The following AKAP8L variants were observed in gnomAD, a reference collection of about 807,000 sequenced individuals.
The protein encoded by AKAP8L is A-kinase anchoring protein 8 like, also known as A-kinase anchor protein 8-like.
Under a neutral mutation model 77.5 loss-of-function variants are expected in AKAP8L, and 34 were observed. The ratio of observed to expected loss-of-function variants is 0.44; its 90% CI spans 0.33 to 0.58. The LOEUF (loss-of-function observed/expected upper bound fraction) is 0.58. AKAP8L is among the 20% of genes least tolerant of loss of function. AKAP8L has a pLI of 0.02. For synonymous variants in AKAP8L, 342 were observed against 340.7 expected, an observed-to-expected ratio of 1.00 and a Z score of -0.04; for missense variants, 806 against 887.6, an observed-to-expected ratio of 0.91 and a Z score of 1.17.
rs1234553444 is a variant in AKAP8L, at chr19:15,397,491, T to C, written c.1405+29A>G. The C allele has an allele frequency of 1.3e-6, 2 of 1,591,602 alleles. No individual in the cohort carries two copies. Among genetic ancestry groups the C allele is most frequent in the Admixed American group, 3.4e-5 (2 of 59,648 alleles). On this transcript the variant is annotated intron_variant, in intron 11 of 13. Transcript: ENST00000397410. This position sits in a 1 kb window ranked among gnomAD's most constrained non-coding sequence, Gnocchi z 4.7. ...CAGGAGTGCAGGCTGAGGCCTTGCCTGGTGGGAGTGGGCTGAAAATCTCCT... is the reference window on the plus strand; with the variant it reads ...CAGGAGTGCAGGCTGAGGCCTTGCCCGGTGGGAGTGGGCTGAAAATCTCCT...
rs1379322632 is a variant in AKAP8L, at chr19:15,401,191, T to C, written c.775A>G (p.Met259Val). 1 of 1,610,784 alleles carries C rather than the reference T, an allele frequency of 6.2e-7. No homozygotes were observed. The highest frequency in any genetic ancestry group is 8.5e-7 in the Non-Finnish European group (1 of 1,178,568). ...GTCCAGGTCTTCCAGGTCCGCCTCA[T>C]CTGCTTCATGCCATTGCCAAACCCG... ...GFGFGNGMKQ[M>V]RRTWKTWTTA... Residue 259 changes from methionine to valine, a missense_variant, in exon 5 of 14, where the codon ATG (methionine) becomes GTG (valine). Around this residue, in one of 2 missense-constraint regions of AKAP8L, gnomAD observed 580 missense variants for 694.1 expected, o/e 0.84. Coordinates refer to ENST00000397410, the MANE Select transcript of AKAP8L (RefSeq NM_014371.4). This position sits in a 1 kb window ranked among gnomAD's most constrained non-coding sequence, Gnocchi z 6.2.
intron 12 of AKAP8L, among the ~76,000 whole-genome samples, chr19:15,395,012 A>G (rs902898036): frequency 7.0e-6 from 1 of 141,874 alleles, no homozygotes; most frequent in East Asian, 2.0e-4. Flanking sequence ...ATATTTTGCT[A>G]TCACCTCTCC....
At chr19:15,385,692 T>C (rs1343882650) in intron 12 of AKAP8L, among the ~76,000 whole-genome samples, 1 of 151,284 alleles carries the variant, frequency 6.6e-6, no homozygotes, top group Non-Finnish European at 1.5e-5. Context: ...CTCAACCTCC[T>C]GGGCTCAGGT....
intron 12 of AKAP8L, among the ~76,000 whole-genome samples, chr19:15,384,510 G>C (rs1238658285): frequency 1.3e-5 from 2 of 151,446 alleles, no homozygotes; most frequent in Non-Finnish European, 2.9e-5. Flanking sequence ...ATGTTGGCCA[G>C]GCTGGTCTCA....
At chr19:15,400,098 C>T (rs1043004898) in intron 8 of AKAP8L, 197 bp downstream of exon 8, 7 of 616,858 alleles carry the variant, frequency 1.1e-5, no homozygotes, top group South Asian at 5.8e-5. Flanking sequence ...CCACAGCCTC[C>T]GCCTGGGAAG....
intron 1 of AKAP8L, among the ~76,000 whole-genome samples, chr19:15,414,697 C>T (rs147705589): frequency 5.9e-4 from 89 of 151,712 alleles, no homozygotes; most frequent in African/African-American, 2.1e-3. Context: ...GCTGTGTTAG[C>T]GAGGATGGTC....
At position 15,398,269 on chromosome 19, in the gene AKAP8L, C is replaced by T. The variant is rs1967819038; in HGVS notation, c.1158-414G>A. On this transcript the variant is annotated intron_variant, in intron 9 of 13. Coordinates refer to ENST00000397410, the MANE Select transcript of AKAP8L (RefSeq NM_014371.4). The surrounding 1 kb of genome is among the most constrained non-coding windows in gnomAD (Gnocchi z 9.2). ...TGGCCCTGAGGTGCAGAGTGGAGTA[C>T]GCAGTCCCGAGGCAGGGCCCGAAAA... 9.0e-6 allele frequency: 2 copies of T among 223,336 alleles called. No individual in the cohort carries two copies. The highest frequency in any genetic ancestry group is 1.8e-5 in the Non-Finnish European group (2 of 110,682). 13.8% of individuals were successfully genotyped at this position (223,336 alleles called of 1,614,324 possible).
intron 12 of AKAP8L, among the ~76,000 whole-genome samples, chr19:15,389,214 G>C (rs1186400278): frequency 7.4e-6 from 1 of 134,644 alleles, no homozygotes; most frequent in Non-Finnish European, 1.5e-5. Context: ...AACAGAGCGA[G>C]ACTCCATCAC....
At chr19:15,414,293 A>G (rs28444915) in intron 1 of AKAP8L, among the ~76,000 whole-genome samples, 124,276 of 151,988 alleles carry the variant, frequency 0.82, 51,288 homozygotes, top group East Asian at 0.99. Flanking sequence ...CCGACCTCAG[A>G]AGATCTGCCC....
chr19:15,397,835 A>G lies in AKAP8L; in HGVS notation c.1178T>C (p.Leu393Pro), dbSNP rs759543956. 6.2e-7 allele frequency: 1 copy of G among 1,613,932 alleles called. No homozygotes were observed. The highest frequency in any genetic ancestry group is 8.5e-7 in the Non-Finnish European group (1 of 1,179,864). ...MVERIQFVCSLCKYRTFYEDE... is the reference protein window; with the variant it reads ...MVERIQFVCSPCKYRTFYEDE... ...CTCATAGAAGGTCCGGTATTTGCAC[A>G]GAGAACACACAAACTGGATCCTGCC... Residue 393 changes from leucine (L) to proline (P), a missense_variant, in exon 10 of 14, where the codon CTG becomes CCG. By Grantham distance (98) the Leu-to-Pro change is moderately conservative. Transcript: ENST00000397410. The surrounding 1 kb of genome is among the most constrained non-coding windows in gnomAD (Gnocchi z 4.7).
Position 15,380,125 on chromosome 19 carries a change from C to G in AKAP8L, c.1938G>C (p.Pro646=). The G allele has an allele frequency of 1.3e-6, 2 of 1,493,102 alleles. No individual in the cohort carries two copies. Among genetic ancestry groups the G allele is most frequent in the Non-Finnish European group, 1.8e-6 (2 of 1,130,660 alleles). 92.5% of individuals were successfully genotyped at this position (1,493,102 alleles called of 1,614,324 possible). ...EDDEEGGGGA[P] ...CTCCGCCCGCCCCGAGCTCGGGTCA[C>G]GGGGCGCCCCCGCCGCCCTCCTCGT... The change falls in exon 14 of 14, where the codon CCG becomes CCC. Residue 646 remains proline, a synonymous_variant. Transcript: ENST00000397410.
intron 12 of AKAP8L, among the ~76,000 whole-genome samples, chr19:15,382,938 C>T (rs73926748): frequency 6.6e-6 from 1 of 152,222 alleles, no homozygotes; most frequent in African/African-American, 2.4e-5. Context: ...GGTAGAGGGT[C>T]CAAAATTTTC....
chr19:15,415,702 A>G (rs376732384), intron 1 of AKAP8L, among the ~76,000 whole-genome samples: 1 of 151,894 alleles, frequency 6.6e-6, no homozygotes, highest in Non-Finnish European at 1.5e-5. Flanking sequence ...CTGGCTAACA[A>G]GGTGAAACCC....
At position 15,410,512 on chromosome 19, in the gene AKAP8L, A is replaced by G; in HGVS notation, c.88+8T>C. On this transcript the variant is annotated splice_region_variant and intron_variant, in intron 2 of 13. Transcript: ENST00000397410. ...ACACTTTGGTTCCCACCAGAAGTCC[A>G]CACTTACCATAATCACAGGTGGGCT... 1 of 1,570,922 alleles carries G rather than the reference A, an allele frequency of 6.4e-7. No individual in the cohort carries two copies. Among genetic ancestry groups the G allele is most frequent in the Admixed American group, 1.9e-5 (1 of 53,262 alleles).
Position 15,399,494 on chromosome 19 carries a change from G to T in AKAP8L, c.1049-84C>A. Reference sequence around the variant, plus strand: ...GCGGCCTCTGGCTGAATCACCCACTGTCCACTCCAGAGGGTCCATCGAGAA... The same window carrying T: ...GCGGCCTCTGGCTGAATCACCCACTTTCCACTCCAGAGGGTCCATCGAGAA... On this transcript the variant is annotated intron_variant, in intron 8 of 13. Transcript: ENST00000397410. This position sits in a 1 kb window ranked among gnomAD's most constrained non-coding sequence, Gnocchi z 6.1. The T allele has an allele frequency of 1.0e-6, 1 of 979,172 alleles. No homozygotes were observed. The allele number at this position is 979,172 out of a possible 1,614,324, so 60.7% of individuals were successfully genotyped here. A position where few individuals can be genotyped will look rare whatever the true frequency, so the allele number is the denominator to read the frequency against.
intron 12 of AKAP8L, among the ~76,000 whole-genome samples, chr19:15,385,951 C>A (rs1480079572): frequency 1.4e-5 from 2 of 143,582 alleles, no homozygotes; most frequent in Non-Finnish European, 3.0e-5. Context: ...CACTCTGTTG[C>A]CCAGGCTGGA....
chr19:15,388,255 T>C (rs371991818), intron 12 of AKAP8L, among the ~76,000 whole-genome samples: 1 of 6,652 alleles, frequency 1.5e-4, no homozygotes, highest in Non-Finnish European at 2.7e-4. Flanking sequence ...AACAAGACCC[T>C]GGGAGGGTGG....
chr19:15,394,615 C>T (rs1967731436), intron 12 of AKAP8L, among the ~76,000 whole-genome samples: 1 of 151,892 alleles, frequency 6.6e-6, no homozygotes, highest in Non-Finnish European at 1.5e-5. Context: ...GCAATCATAA[C>T]TTACTGTAAC....
In AKAP8L at chr19:15,395,983, C is replaced by CAAA. The variant is rs751904092; in HGVS notation, c.1536+1164_1536+1166dup. ...TGGGCGACAGAGCGAGACTCCGTCT[C>CAAA]AAAAAAAAAAAAAAAAAAAGAATCT... On this transcript the variant is annotated intron_variant, in intron 12 of 13. Coordinates refer to ENST00000397410, the MANE Select transcript of AKAP8L (RefSeq NM_014371.4). Among the ~76,000 whole-genome samples, 146 of 40,498 alleles carry CAAA rather than the reference C, an allele frequency of 3.6e-3. 3 individuals carry two copies. Among genetic ancestry groups the CAAA allele is most frequent in the Middle Eastern group, 0.014 (1 of 70 alleles). 26.6% of individuals were successfully genotyped at this position (40,498 alleles called of 152,430 possible).
Sources: gnomAD v4.1 joint callset for allele counts (sites outside exome capture counted in the v4.1 genomes callset) on GRCh38, gnomAD v4.1.1 for gene constraint, gnomAD v4.1.1 regional missense constraint, Gnocchi (gnomAD v3.1) non-coding constraint, MANE v1.5 for transcripts, NCBI Gene and HGNC (gene_info 2026-07-23, HGNC 2026-07-21) for gene names.